The following DMD variants were observed in gnomAD, a reference collection of about 807,000 sequenced individuals.
DMD encodes the protein mutant dystrophin.
In DMD, 63 loss-of-function variants were observed where a neutral mutation model predicts 330.1. That is an observed-to-expected ratio of 0.19 (90% CI 0.16 to 0.24). DMD has a LOEUF of 0.24. Ranked by LOEUF, DMD falls within the 10% of genes least tolerant of loss-of-function variation. The pLI is 1.00. For missense variants in DMD, 3,344 were observed against 2,684.1 expected (o/e 1.25, Z -5.43); for synonymous variants, 1,223 against 959.8 (o/e 1.27, Z -5.07).
chrX:33,249,759 TTTC>T (rs2052738445), intron 1 of DMD, among the ~76,000 whole-genome samples: 1 of 110,673 alleles, frequency 9.0e-6, no homozygotes, highest in Non-Finnish European at 1.9e-5. Flanking sequence ...TTCTTCATCA[TTTC>T]TTTTCTTTTT....
chrX:32,869,293 G>A (rs1226309483), intron 2 of DMD, among the ~76,000 whole-genome samples: 2 of 111,135 alleles, frequency 1.8e-5, no homozygotes, highest in Non-Finnish European at 3.8e-5. Flanking sequence ...ATGAAGATGA[G>A]AATCAAAAAA....
intron 60 of DMD, among the ~76,000 whole-genome samples, chrX:31,393,304 C>T (rs1025442545): frequency 9.1e-6 from 1 of 109,907 alleles, no homozygotes; most frequent in Non-Finnish European, 1.9e-5. Context: ...TGGTGAAACC[C>T]GGTCTCCACT....
At chrX:33,150,150 A>C (rs1470757170) in intron 1 of DMD, among the ~76,000 whole-genome samples, 1 of 110,915 alleles carries the variant, frequency 9.0e-6, no homozygotes, top group African/African-American at 3.3e-5. Flanking sequence ...TATTGAAGGA[A>C]TCCCCTCTTA....
intron 7 of DMD, among the ~76,000 whole-genome samples, chrX:32,728,462 G>C (rs2067146119): frequency 8.9e-6 from 1 of 112,013 alleles, no homozygotes; most frequent in Non-Finnish European, 1.9e-5. Flanking sequence ...AACAGCAGTA[G>C]TTTCCACAAA....
chrX:31,203,084 C>T (rs573359581), intron 67 of DMD, among the ~76,000 whole-genome samples: 1 of 109,374 alleles, frequency 9.1e-6, no homozygotes, highest in East Asian at 2.9e-4. Context: ...GAGTTTGAGA[C>T]CAGCCTGGCC....
At chrX:31,577,188 C>T (rs1456044017) in intron 55 of DMD, among the ~76,000 whole-genome samples, 1 of 112,473 alleles carries the variant, frequency 8.9e-6, no homozygotes, top group African/African-American at 3.2e-5. Context: ...ATTGCAATCA[C>T]ATTAATCGCA....
Position 31,627,811 on chromosome X carries a change from C to G in DMD, c.8079G>C (p.Gln2693His). Residue 2693 changes from glutamine (Q) to histidine (H), a missense_variant, in exon 55 of 79, where the codon CAG (glutamine) becomes CAC (histidine). By Grantham distance (24) the Gln-to-His change is conservative. Transcript: ENST00000357033. ...GAAACTTTTCCAGGTCCAGGGGGAA[C>G]TGTTGCAGTAATCTATGAGTTTCTT... Reference protein sequence around the residue: ...ALEETHRLLQQFPLDLEKFLA... With the variant: ...ALEETHRLLQHFPLDLEKFLA... 8.3e-7 allele frequency: 1 copy of G among 1,210,803 alleles called. No homozygotes were observed. Among genetic ancestry groups the G allele is most frequent in the South Asian group, 1.8e-5 (1 of 56,801 alleles).
intron 2 of DMD, among the ~76,000 whole-genome samples, chrX:32,850,828 C>T (rs1176547030): frequency 1.8e-5 from 2 of 111,853 alleles, no homozygotes; most frequent in Non-Finnish European, 3.8e-5. Flanking sequence ...TTTAATCAGT[C>T]AAAGACATAT....
chrX:32,794,595 AAAAAACC>A (rs1052694548), intron 7 of DMD, among the ~76,000 whole-genome samples: 14 of 111,010 alleles, frequency 1.3e-4, no homozygotes, highest in South Asian at 3.8e-4. Context: ...TCTCAAAAAC[AAAAAACC>A]AAAAACAAAA....
chrX:31,222,494 A>C (rs758459889), intron 64 of DMD, among the ~76,000 whole-genome samples: 12 of 110,120 alleles, frequency 1.1e-4, no homozygotes, highest in Non-Finnish European at 2.1e-4. Context: ...ACAATAGTAG[A>C]GTTATACATA....
intron 20 of DMD, among the ~76,000 whole-genome samples, chrX:32,489,636 G>A (rs2042806551): frequency 9.0e-6 from 1 of 111,316 alleles, no homozygotes; most frequent in South Asian, 3.9e-4. Context: ...GGTATTTATT[G>A]TGGCAGACTC....
intron 52 of DMD, among the ~76,000 whole-genome samples, chrX:31,692,644 C>T (rs964753530): frequency 1.3e-4 from 14 of 111,136 alleles, no homozygotes; most frequent in African/African-American, 4.6e-4. Flanking sequence ...CAATTATATA[C>T]CAAGAAATTG....
intron 67 of DMD, among the ~76,000 whole-genome samples, chrX:31,185,502 A>G (rs755439769): frequency 1.9e-4 from 21 of 111,877 alleles, no homozygotes; most frequent in Non-Finnish European, 3.9e-4. Context: ...ACAGTTTTAA[A>G]TTTTGATTAT....
intron 17 of DMD, among the ~76,000 whole-genome samples, chrX:32,539,717 G>A (rs1366176118): frequency 1.8e-5 from 2 of 111,474 alleles, no homozygotes; most frequent in Non-Finnish European, 3.8e-5. Context: ...CCAGAGATGT[G>A]ACACAATTTA....
intron 7 of DMD, among the ~76,000 whole-genome samples, chrX:32,779,512 G>A (rs941090903): frequency 9.1e-6 from 1 of 109,603 alleles, no homozygotes; most frequent in African/African-American, 3.3e-5. Context: ...ATTATTTTTA[G>A]ATTTTACAGA....
intron 7 of DMD, among the ~76,000 whole-genome samples, chrX:32,769,528 T>A (rs1169854808): frequency 8.9e-6 from 1 of 111,970 alleles, no homozygotes; most frequent in Non-Finnish European, 1.9e-5. Context: ...ACATATAAAC[T>A]ATTGTTTTAA....
At chrX:33,243,684 C>A (rs2052622916) in intron 1 of DMD, among the ~76,000 whole-genome samples, 1 of 112,013 alleles carries the variant, frequency 8.9e-6, no homozygotes. Flanking sequence ...TATATATACA[C>A]AATAAAACAT....
At chrX:32,834,126 C>G (rs1270553444) in intron 4 of DMD, among the ~76,000 whole-genome samples, 2 of 111,248 alleles carry the variant, frequency 1.8e-5, no homozygotes, top group East Asian at 5.6e-4. Context: ...GAGTCAAAGT[C>G]ACGGAATCAT....
At chrX:31,157,244 T>C (rs1367002983) in intron 74 of DMD, among the ~76,000 whole-genome samples, 1 of 112,238 alleles carries the variant, frequency 8.9e-6, no homozygotes, top group Non-Finnish European at 1.9e-5. Context: ...ACAATATTAA[T>C]TGGCTTCAGT....
Sources: gnomAD v4.1 joint callset for allele counts (sites outside exome capture counted in the v4.1 genomes callset) on GRCh38, gnomAD v4.1.1 for gene constraint, MANE v1.5 for transcripts, NCBI Gene and HGNC (gene_info 2026-07-23, HGNC 2026-07-21) for gene names.